HAT1: variants seen among roughly 807,000 people sequenced by gnomAD.
The protein encoded by HAT1 is histone acetyltransferase type B catalytic subunit.
In HAT1, 20 loss-of-function variants were observed where a neutral mutation model predicts 56.6. The ratio of observed to expected loss-of-function variants is 0.35; its 90% CI spans 0.25 to 0.51. HAT1 has a LOEUF of 0.51. Among genes scored for constraint, HAT1 ranks in the 20% least tolerant of loss-of-function variants. HAT1 has a pLI of 0.95. For synonymous variants in HAT1, 146 were observed against 165.5 expected (o/e 0.88, Z 0.91); for missense variants, 408 against 504.3 (o/e 0.81, Z 1.83).
intron 8 of HAT1, among the ~76,000 whole-genome samples, chr2:171,972,772 T>C (rs1574065693): frequency 6.6e-6 from 1 of 152,234 alleles, no homozygotes; most frequent in Admixed American, 6.5e-5. Flanking sequence ...GCATTCACTT[T>C]CCTGACAAAC....
In HAT1 at chr2:171,946,792, CT is replaced by C; in HGVS notation, c.188+11del. 1 of 1,288,364 alleles carries C rather than the reference CT, an allele frequency of 7.8e-7. No homozygotes were observed. The highest frequency in any genetic ancestry group is 1.1e-6 in the Non-Finnish European group (1 of 914,452). 79.8% of individuals were successfully genotyped at this position (1,288,364 alleles called of 1,614,324 possible). On this transcript the variant is annotated intron_variant, in intron 3 of 10. Transcript: ENST00000264108. ...CAACTCTTTGGGGATGAGTAAGTAACTTAGTAAAATATTTGTCAAATTAGTA... is the reference window on the plus strand; with the variant it reads ...CAACTCTTTGGGGATGAGTAAGTAACTAGTAAAATATTTGTCAAATTAGTA...
chr2:171,954,102 C>T (rs1030646241), intron 4 of HAT1, among the ~76,000 whole-genome samples: 1 of 152,184 alleles, frequency 6.6e-6, no homozygotes, highest in Non-Finnish European at 1.5e-5. Flanking sequence ...TGTTCTGTTT[C>T]CTGCATGGAC....
intron 2 of HAT1, among the ~76,000 whole-genome samples, chr2:171,945,795 A>T (rs1003957455): frequency 6.6e-6 from 1 of 152,024 alleles, no homozygotes; most frequent in East Asian, 1.9e-4. Context: ...CAGCCTCCCA[A>T]GTAGCTGGGA....
chr2:171,927,384 A>C (rs772742226), intron 2 of HAT1, among the ~76,000 whole-genome samples: 16 of 152,240 alleles, frequency 1.1e-4, no homozygotes, highest in Non-Finnish European at 1.5e-4. Flanking sequence ...CTTGACATGC[A>C]GAAAATACTT....
chr2:171,926,175 C>T (rs1400800084), intron 2 of HAT1, among the ~76,000 whole-genome samples: 2 of 151,944 alleles, frequency 1.3e-5, no homozygotes, highest in African/African-American at 2.4e-5. Context: ...TGTAGTGCCA[C>T]GGCATGGTCA....
At chr2:171,940,325 C>T (rs922262082) in intron 2 of HAT1, among the ~76,000 whole-genome samples, 6 of 152,172 alleles carry the variant, frequency 3.9e-5, no homozygotes, top group Admixed American at 2.6e-4. Flanking sequence ...TTGGTAGACT[C>T]GTCAACCTGG....
At chr2:171,972,842 A>T (rs1048267231) in intron 8 of HAT1, among the ~76,000 whole-genome samples, 1 of 152,128 alleles carries the variant, frequency 6.6e-6, no homozygotes, top group Non-Finnish European at 1.5e-5. Context: ...CTATTTCCAG[A>T]TAATCACCTG....
intron 4 of HAT1, among the ~76,000 whole-genome samples, chr2:171,953,410 G>C (rs1039021461): frequency 2.6e-5 from 4 of 151,956 alleles, no homozygotes; most frequent in African/African-American, 9.7e-5. Context: ...GCTGGGTGCA[G>C]TGGCTTGTGC....
At position 171,946,711 on chromosome 2, in the gene HAT1, G is replaced by A. The variant is rs377205943; in HGVS notation, c.116G>A (p.Arg39His). 3.8e-6 allele frequency: 6 copies of A among 1,563,702 alleles called. No individual in the cohort carries two copies. Among genetic ancestry groups the A allele is most frequent in the Admixed American group, 1.7e-5 (1 of 57,696 alleles). ...TNTAIELKLV[R>H]FPEDLENDIR... ...ATTTTTTTGTCCCTTGAAACAGTTC[G>A]TTTTCCTGAAGATCTTGAAAATGAC... is the stretch of plus-strand genomic sequence containing the variant. Residue 39 changes from arginine (R) to histidine (H), a missense_variant, in exon 3 of 11, where the codon CGT (arginine) becomes CAT (histidine). Physicochemically the swap from Arg to His is conservative, Grantham distance 29. Coordinates refer to ENST00000264108, the MANE Select transcript of HAT1 (RefSeq NM_003642.4).
At position 171,952,865 on chromosome 2, in the gene HAT1, A is replaced by AT. The variant is rs772887300; in HGVS notation, c.189-10dup. ...TGCAAAAATTCATTCCATTATTGCTATTTTTTCCATTTCAGTGAAACTGCT... is the reference window on the plus strand; with the variant it reads ...TGCAAAAATTCATTCCATTATTGCTATTTTTTTCCATTTCAGTGAAACTGCT... On this transcript the variant is annotated splice_polypyrimidine_tract_variant and intron_variant, in intron 3 of 10. Transcript: ENST00000264108. 3.3e-4 allele frequency: 524 copies of AT among 1,566,796 alleles called. 2 individuals carry two copies. Among genetic ancestry groups the AT allele is most frequent in the South Asian group, 1.9e-4 (16 of 84,356 alleles).
chr2:171,957,137 A>T (rs542716662), intron 4 of HAT1, among the ~76,000 whole-genome samples: 13 of 152,184 alleles, frequency 8.5e-5, no homozygotes, highest in Non-Finnish European at 1.6e-4. Context: ...ACAGGACAAA[A>T]TGAAGGAAGG....
At chr2:171,925,513 C>T (rs1224299581) in intron 1 of HAT1, 24 bp from the exon 2 acceptor site, 9 of 1,045,268 alleles carry the variant, frequency 8.6e-6, no homozygotes, top group African/African-American at 1.6e-5. Context: ...CCAAACTAAA[C>T]CTTTTAAAAA....
At chr2:171,932,672 A>G (rs2105966960) in intron 2 of HAT1, among the ~76,000 whole-genome samples, 1 of 152,286 alleles carries the variant, frequency 6.6e-6, no homozygotes, top group Non-Finnish European at 1.5e-5. Context: ...GTTCAAGGCC[A>G]GCCTGGGCAA....
chr2:171,937,816 G>T (rs1686907562), intron 2 of HAT1, among the ~76,000 whole-genome samples: 1 of 152,140 alleles, frequency 6.6e-6, no homozygotes, highest in Non-Finnish European at 1.5e-5. Context: ...GAAGCCAGGA[G>T]TTTGAGGCCA....
intron 2 of HAT1, among the ~76,000 whole-genome samples, chr2:171,931,365 A>T (rs1320864225): frequency 6.7e-6 from 1 of 149,994 alleles, no homozygotes; most frequent in Non-Finnish European, 1.5e-5. Flanking sequence ...CTCCAGTGTG[A>T]GTGACAGAGT....
chr2:171,932,775 G>A (rs1048264234), intron 2 of HAT1, among the ~76,000 whole-genome samples: 2 of 152,044 alleles, frequency 1.3e-5, no homozygotes, highest in Admixed American at 1.3e-4. Flanking sequence ...AGGCTGAGGT[G>A]GGAGGATCAC....
At position 171,966,958 on chromosome 2, in the gene HAT1, AATTTG is replaced by A; in HGVS notation, c.823+15_823+19del. 1.7e-6 allele frequency: 2 copies of A among 1,167,688 alleles called. No individual in the cohort carries two copies. The highest frequency in any genetic ancestry group is 2.5e-6 in the Non-Finnish European group (2 of 790,650). The allele number at this position is 1,167,688 out of a possible 1,614,324, so 72.3% of individuals were successfully genotyped here. On this transcript the variant is annotated intron_variant, in intron 8 of 10. Transcript: ENST00000264108. ...AGTTCTTGATATTACAGGTATGTAA[AATTTG>A]ATTTGTTACTGAAAGAGCCTTTCTA... is the stretch of plus-strand genomic sequence containing the variant.
In HAT1 at chr2:171,979,678, G is replaced by A. The variant is rs151186647; in HGVS notation, c.1092+315G>A. The A allele has an allele frequency of 3.8e-4, 77 of 201,412 alleles. No homozygotes were observed. The East Asian group carries it at 9.8e-3, about 26-fold the overall frequency. 12.5% of individuals were successfully genotyped at this position (201,412 alleles called of 1,614,324 possible). ...CAAACATTAGCTAGGCTTGGTGGTG[G>A]GCGCCTGTAATACAGTGACTTGGGA... On this transcript the variant is annotated intron_variant, in intron 10 of 10. Transcript: ENST00000264108.
rs1240728353 is a variant in HAT1, at chr2:171,946,658, A to G, written c.113-50A>G. 7.7e-6 allele frequency: 8 copies of G among 1,038,402 alleles called. No individual in the cohort carries two copies. In the East Asian group the frequency reaches 1.9e-4, roughly 25 times the overall value. 64.3% of individuals were successfully genotyped at this position (1,038,402 alleles called of 1,614,324 possible). On this transcript the variant is annotated intron_variant, in intron 2 of 10. Transcript: ENST00000264108. ...TGAAATAGGAATACCTGTCACCTTCAATATCTTTAGTTATCTTTAATATCT... is the reference window on the plus strand; with the variant it reads ...TGAAATAGGAATACCTGTCACCTTCGATATCTTTAGTTATCTTTAATATCT...
Sources: allele counts gnomAD v4.1 joint callset (sites outside exome capture counted in the v4.1 genomes callset), GRCh38; gene constraint gnomAD v4.1.1; transcripts MANE v1.5; gene names NCBI Gene and HGNC (gene_info 2026-07-23, HGNC 2026-07-21).